ANKRD6: variants seen among roughly 807,000 people sequenced by gnomAD.
ANKRD6 encodes ankyrin repeat domain 6, also known as ankyrin repeat domain-containing protein 6.
In ANKRD6, 56 loss-of-function variants were observed where a neutral mutation model predicts 82.3. The ratio of observed to expected loss-of-function variants is 0.68; its 90% confidence interval spans 0.55 to 0.85. ANKRD6 has a LOEUF of 0.85. ANKRD6 is among the 40% of genes least tolerant of loss of function. The pLI is 0.00. For synonymous variants in ANKRD6, 347 were observed against 352.1 expected (o/e 0.99, Z 0.16); for missense variants, 852 against 907.6 (o/e 0.94, Z 0.79).
chr6:89,618,896 T>A (rs373553455), intron 9 of ANKRD6, among the ~76,000 whole-genome samples: 21 of 152,214 alleles, frequency 1.4e-4, no homozygotes, highest in African/African-American at 4.8e-4. Context: ...TTGGCACTAT[T>A]CTGTATTACA....
At chr6:89,474,995 A>G (rs1775880138) in intron 1 of ANKRD6, among the ~76,000 whole-genome samples, 1 of 152,154 alleles carries the variant, frequency 6.6e-6, no homozygotes, top group Non-Finnish European at 1.5e-5. Flanking sequence ...TGGCTCCTTT[A>G]CAGCCAGAGT....
At position 89,447,854 on chromosome 6, in the gene ANKRD6, A is replaced by ATT. The variant is rs530068070; in HGVS notation, c.-144+14489_-144+14490dup. On this transcript the variant is annotated intron_variant, in intron 1 of 15. Coordinates refer to ENST00000339746, the MANE Select transcript of ANKRD6 (RefSeq NM_001242809.2). ...AGGCATGTGCCACCACGCCCAGCTA[A>ATT]TTTTTTTTTTTCAGTAGAGATGGGG... is the stretch of plus-strand genomic sequence containing the variant. Among the ~76,000 whole-genome samples the ATT allele has an allele frequency of 7.6e-5, 9 of 119,012 alleles. 1 individual carries two copies. In the East Asian group the frequency reaches 1.0e-3, roughly 13 times the overall value. The allele number at this position is 119,012 out of a possible 152,430, so 78.1% of individuals were successfully genotyped here.
At chr6:89,623,037 G>A (rs1442341070) in intron 10 of ANKRD6, among the ~76,000 whole-genome samples, 5 of 77,336 alleles carry the variant, frequency 6.5e-5, no homozygotes, top group Non-Finnish European at 2.2e-4. Flanking sequence ...GGGGCGGGAG[G>A]GGGGCTGCAT....
intron 8 of ANKRD6, among the ~76,000 whole-genome samples, chr6:89,617,401 A>G (rs547703077): frequency 1.6e-4 from 24 of 151,322 alleles, no homozygotes; most frequent in African/African-American, 5.4e-4. Flanking sequence ...TTTGCTATCA[A>G]CTCCTGGGTT....
At chr6:89,553,507 C>T (rs548305669) in intron 1 of ANKRD6, among the ~76,000 whole-genome samples, 121 of 152,276 alleles carry the variant, frequency 7.9e-4, no homozygotes, top group African/African-American at 2.7e-3. Context: ...GCAAAGGCTT[C>T]CCTTTGCCAT....
At chr6:89,439,904 C>T (rs959947421) in intron 1 of ANKRD6, among the ~76,000 whole-genome samples, 1 of 152,078 alleles carries the variant, frequency 6.6e-6, no homozygotes, top group Non-Finnish European at 1.5e-5. Flanking sequence ...ACCATGTTAG[C>T]CAGGCTGCTC....
At chr6:89,496,430 G>A (rs894197635) in intron 1 of ANKRD6, among the ~76,000 whole-genome samples, 1 of 152,144 alleles carries the variant, frequency 6.6e-6, no homozygotes, top group Admixed American at 6.5e-5. Context: ...GAGATATGCC[G>A]GTAGTACCGT....
At chr6:89,523,758 C>T (rs1312188319) in intron 1 of ANKRD6, among the ~76,000 whole-genome samples, 1 of 152,064 alleles carries the variant, frequency 6.6e-6, no homozygotes, top group African/African-American at 2.4e-5. Context: ...ATTCACAGTC[C>T]CTTAGGACAC....
intron 2 of ANKRD6, among the ~76,000 whole-genome samples, chr6:89,575,783 A>G (rs1790990558): frequency 6.6e-6 from 1 of 152,192 alleles, no homozygotes; most frequent in African/African-American, 2.4e-5. Context: ...AGCCCAGATG[A>G]GAACTGGAAT....
intron 1 of ANKRD6, among the ~76,000 whole-genome samples, chr6:89,561,691 C>A (rs1787449494): frequency 6.6e-6 from 1 of 152,194 alleles, no homozygotes; most frequent in Admixed American, 6.5e-5. Flanking sequence ...TCTGTTGCAG[C>A]CTTACTTGTC....
At chr6:89,455,363 G>A (rs1562538487) in intron 1 of ANKRD6, among the ~76,000 whole-genome samples, 2 of 152,162 alleles carry the variant, frequency 1.3e-5, no homozygotes, top group South Asian at 4.1e-4. Flanking sequence ...GGTGAAGGGG[G>A]AGCAGGCACT....
chr6:89,435,608 A>G (rs1013651554), intron 1 of ANKRD6, among the ~76,000 whole-genome samples: 2 of 152,186 alleles, frequency 1.3e-5, no homozygotes, highest in African/African-American at 4.8e-5. Flanking sequence ...TCTTCTTCCA[A>G]GTTTCTCCTG....
intron 1 of ANKRD6, among the ~76,000 whole-genome samples, chr6:89,438,503 GC>G (rs763653022): frequency 2.0e-5 from 3 of 152,142 alleles, no homozygotes; most frequent in Non-Finnish European, 4.4e-5. Context: ...ACAGTCCCTG[GC>G]TGGGCAACTG....
At position 89,461,363 on chromosome 6, in the gene ANKRD6, C is replaced by A. The variant is rs115438583; in HGVS notation, c.-144+27988C>A. On this transcript the variant is annotated intron_variant, in intron 1 of 15. Coordinates refer to ENST00000339746, the MANE Select transcript of ANKRD6 (RefSeq NM_001242809.2). ...TAAAGGCACATATGATATAAGAGTA[C>A]ATTAGTTGATGGGAGAGAATAGAAT... 6.6e-3 allele frequency among the ~76,000 whole-genome samples: 1,002 copies of A among 152,194 alleles called. 22 individuals carry two copies. The highest frequency in any genetic ancestry group is 0.023 in the African/African-American group (945 of 41,528).
chr6:89,474,169 A>G (rs1775791192), intron 1 of ANKRD6, among the ~76,000 whole-genome samples: 1 of 152,026 alleles, frequency 6.6e-6, no homozygotes, highest in Non-Finnish European at 1.5e-5. Flanking sequence ...GTTCAGTGAC[A>G]CCCTCCCAGG....
At chr6:89,475,174 A>G (rs1775895570) in intron 1 of ANKRD6, among the ~76,000 whole-genome samples, 1 of 152,194 alleles carries the variant, frequency 6.6e-6, no homozygotes, top group African/African-American at 2.4e-5. Context: ...CAGCACCCAA[A>G]ACGCTCTATG....
At position 89,618,028 on chromosome 6, in the gene ANKRD6, C is replaced by T; in HGVS notation, c.789C>T (p.Pro263=). ...TTGCTCTTCTCCTTACTAAAGCTCC[C>T]CAGGTAGGATTTACTGCCCTTTCCA... is the stretch of plus-strand genomic sequence containing the variant. ...PEVALLLTKA[P]QVLRFSRGRS... is the part of the protein sequence containing the mutation. The change falls in exon 9 of 16, where the codon CCC becomes CCT. Residue 263 remains proline, a synonymous_variant. Coordinates refer to ENST00000339746, the MANE Select transcript of ANKRD6 (RefSeq NM_001242809.2). The T allele has an allele frequency of 6.2e-7, 1 of 1,614,018 alleles. No homozygotes were observed. Among genetic ancestry groups the T allele is most frequent in the Non-Finnish European group, 8.5e-7 (1 of 1,179,884 alleles).
chr6:89,523,504 A>G (rs1407788443), intron 1 of ANKRD6, among the ~76,000 whole-genome samples: 1 of 151,918 alleles, frequency 6.6e-6, no homozygotes, highest in Non-Finnish European at 1.5e-5. Flanking sequence ...AGAAGAGGGC[A>G]GTTCTTTATG....
intron 1 of ANKRD6, among the ~76,000 whole-genome samples, chr6:89,548,089 A>G (rs1785339632): frequency 6.6e-6 from 1 of 152,198 alleles, no homozygotes; most frequent in Admixed American, 6.5e-5. Context: ...AAAGTGTACA[A>G]TTCAGTGGTT....
Sources: gnomAD v4.1 joint callset for allele counts (sites outside exome capture counted in the v4.1 genomes callset) on GRCh38, gnomAD v4.1.1 for gene constraint, MANE v1.5 for transcripts, NCBI Gene and HGNC (gene_info 2026-07-23, HGNC 2026-07-21) for gene names.